The following TNFAIP8 variants were observed in gnomAD, a reference collection of about 807,000 sequenced individuals.
TNFAIP8 encodes the protein tumor necrosis factor alpha-induced protein 8.
Under a neutral mutation model 13.3 loss-of-function variants are expected in TNFAIP8, and 7 were observed. That is an observed-to-expected ratio of 0.52 (90% CI 0.30 to 0.99). The LOEUF (loss-of-function observed/expected upper bound fraction) is 0.99. TNFAIP8 is among the 50% of genes least tolerant of loss of function. The pLI is 0.07. For synonymous variants in TNFAIP8, 94 were observed against 87.6 expected (o/e 1.07, Z -0.41); for missense variants, 258 against 236.9 (o/e 1.09, Z -0.58).
At chr5:119,329,806 T>G (rs1292287653) in intron 1 of TNFAIP8, among the ~76,000 whole-genome samples, 1 of 151,526 alleles carries the variant, frequency 6.6e-6, no homozygotes, top group East Asian at 2.0e-4. Context: ...CAGCCTTGTC[T>G]AGACATGGAC....
At chr5:119,353,245 G>T (rs561654009), upstream of TNFAIP8, among the ~76,000 whole-genome samples, 23 of 152,278 alleles carry the variant, frequency 1.5e-4, no homozygotes, top group African/African-American at 5.5e-4. Flanking sequence ...TGATGTACTG[G>T]ACCATTATTC....
intron 1 of TNFAIP8, among the ~76,000 whole-genome samples, chr5:119,320,989 G>A (rs1750037066): frequency 1.3e-5 from 2 of 152,336 alleles, no homozygotes; most frequent in East Asian, 1.9e-4. Flanking sequence ...GGCCGAGGTG[G>A]GCGGATCACA....
chr5:119,276,243 G>A (rs1561978639), intron 1 of TNFAIP8, among the ~76,000 whole-genome samples: 2 of 151,600 alleles, frequency 1.3e-5, no homozygotes, highest in South Asian at 2.1e-4. Flanking sequence ...TCAGCCTCCC[G>A]AGTAGCTGGG....
At chr5:119,287,543 A>C (rs1418038756) in intron 1 of TNFAIP8, among the ~76,000 whole-genome samples, 3 of 152,014 alleles carry the variant, frequency 2.0e-5, no homozygotes, top group Admixed American at 2.0e-4. Context: ...TGTATATTAG[A>C]TCTCCAGAAC....
intron 1 of TNFAIP8, chr5:119,306,441 T>C (rs950449967): frequency 6.6e-6 from 1 of 152,086 alleles, no homozygotes; most frequent in East Asian, 1.9e-4. Context: ...CTGCTCTGTT[T>C]CTGACCTGGG....
At chr5:119,288,747 T>C (rs1157702108) in intron 1 of TNFAIP8, among the ~76,000 whole-genome samples, 2 of 152,228 alleles carry the variant, frequency 1.3e-5, no homozygotes, top group Non-Finnish European at 2.9e-5. Context: ...ATCTGACTGG[T>C]GCCTATAGGC....
chr5:119,355,889 A>C, upstream of TNFAIP8: 1 of 1,192,070 alleles, frequency 8.4e-7, no homozygotes, highest in Non-Finnish European at 1.1e-6. Flanking sequence ...CCCAGCTGAC[A>C]CGCGATTCGT....
At position 119,377,660 on chromosome 5, in the gene TNFAIP8, T is replaced by C. The variant is rs78328541; in HGVS notation, c.32-15156T>C. Among the ~76,000 whole-genome samples the C allele has an allele frequency of 4.3e-3, 651 of 152,304 alleles. 3 individuals carry two copies. Among genetic ancestry groups the C allele is most frequent in the African/African-American group, 0.015 (606 of 41,560 alleles). On this transcript the variant is annotated intron_variant, in intron 1 of 1. Coordinates refer to ENST00000504771, the MANE Select transcript of TNFAIP8 (RefSeq NM_014350.4). ...TCCTGAAGTCTATGAACAAGTGTTA[T>C]GAAAACAAATCATGATCACTCTTAA...
chr5:119,355,780 G>A (rs895065765), upstream of TNFAIP8: 2 of 372,704 alleles, frequency 5.4e-6, no homozygotes, highest in Non-Finnish European at 7.9e-6. Flanking sequence ...GTCTGGGCCT[G>A]TGCCCCACCT....
rs1753109369 is a variant in TNFAIP8 at position 119,397,794 on chromosome 5, TTTAC to T, written c.*4415_*4418del. ...GAAGTATTGAAAATCTGTTTTCTCT[TTTAC>T]TAAGTGTCTGCACGGTCACTTATGT... On this transcript the variant is annotated 3_prime_UTR_variant, in exon 2 of 2. Transcript: ENST00000504771. The T allele has an allele frequency of 6.6e-6, 1 of 152,244 alleles. No individual in the cohort carries two copies. The highest frequency in any genetic ancestry group is 2.4e-5 in the African/African-American group (1 of 41,462). The allele number at this position is 152,244 out of a possible 1,614,324, so 9.4% of individuals were successfully genotyped here.
intron 1 of TNFAIP8, among the ~76,000 whole-genome samples, chr5:119,304,096 T>C (rs1487310394): frequency 1.3e-5 from 2 of 152,186 alleles, no homozygotes; most frequent in African/African-American, 2.4e-5. Flanking sequence ...ATTTTCTTTT[T>C]TCCTTTTTTT....
intron 1 of TNFAIP8, among the ~76,000 whole-genome samples, chr5:119,343,801 G>A (rs1272728665): frequency 6.6e-6 from 1 of 152,174 alleles, no homozygotes; most frequent in Non-Finnish European, 1.5e-5. Context: ...ATGGCTTTGG[G>A]TAGGGTAAAA....
intron 1 of TNFAIP8, among the ~76,000 whole-genome samples, chr5:119,302,734 C>A (rs1377103887): frequency 6.6e-6 from 1 of 152,124 alleles, no homozygotes; most frequent in African/African-American, 2.4e-5. Flanking sequence ...AAGCTTATGA[C>A]CTAAGATCGT....
intron 1 of TNFAIP8, among the ~76,000 whole-genome samples, chr5:119,347,943 A>G (rs954962045): frequency 6.6e-6 from 1 of 152,238 alleles, no homozygotes; most frequent in African/African-American, 2.4e-5. Context: ...TAGACTTTCA[A>G]ATAGATCTCA....
chr5:119,350,797 A>T (rs1369608161), intron 1 of TNFAIP8, among the ~76,000 whole-genome samples: 1 of 152,202 alleles, frequency 6.6e-6, no homozygotes, highest in African/African-American at 2.4e-5. Flanking sequence ...TCAAACTCCC[A>T]GGACTGGCCA....
intron 1 of TNFAIP8, among the ~76,000 whole-genome samples, chr5:119,377,476 C>T (rs1752327687): frequency 6.6e-6 from 1 of 152,024 alleles, no homozygotes; most frequent in Admixed American, 6.6e-5. Flanking sequence ...AGTTTTTCTG[C>T]CATAAGGCTC....
chr5:119,296,610 G>A (rs1415870367), intron 1 of TNFAIP8, among the ~76,000 whole-genome samples: 2 of 152,096 alleles, frequency 1.3e-5, no homozygotes, highest in Non-Finnish European at 2.9e-5. Context: ...GCCTGTGCCC[G>A]GCTTTGGTAT....
chr5:119,368,959 C>T (rs1391405953), intron 1 of TNFAIP8, among the ~76,000 whole-genome samples: 1 of 152,006 alleles, frequency 6.6e-6, no homozygotes, highest in Non-Finnish European at 1.5e-5. Context: ...TACTGGAATC[C>T]TCTACCCTAA....
At chr5:119,317,068 A>G (rs1259880439) in intron 1 of TNFAIP8, among the ~76,000 whole-genome samples, 2 of 152,204 alleles carry the variant, frequency 1.3e-5, no homozygotes, top group Non-Finnish European at 2.9e-5. Context: ...GTAGAACTTT[A>G]CATTTTTAGC....
Sources: allele counts gnomAD v4.1 joint callset (sites outside exome capture counted in the v4.1 genomes callset), GRCh38; gene constraint gnomAD v4.1.1; transcripts MANE v1.5; gene names NCBI Gene and HGNC (gene_info 2026-07-23, HGNC 2026-07-21).